Variants in GPR180 observed in about 807,000 individuals in gnomAD.
GPR180 encodes the protein G protein-coupled receptor 180, also known as integral membrane protein GPR180.
GPR180 carries 53 observed loss-of-function variants against 52.6 expected under a neutral mutation model. The observed-to-expected ratio is 1.01, with a 90% CI of 0.81 to 1.27. The LOEUF (loss-of-function observed/expected upper bound fraction) is 1.27. Among genes scored for constraint, GPR180 ranks in the 50% most tolerant of loss-of-function variants. The pLI is 0.00. For synonymous variants in GPR180, 200 were observed against 193.1 expected (o/e 1.04, Z -0.30); for missense variants, 533 against 527.0 (o/e 1.01, Z -0.11).
chr13:94,602,831 C>G (rs2139561835), intron 1 of GPR180, among the ~76,000 whole-genome samples: 1 of 152,278 alleles, frequency 6.6e-6, no homozygotes, highest in South Asian at 2.1e-4. Context: ...TGCACTCTCA[C>G]AATTTAAGTG....
In GPR180 at chr13:94,623,393, T is replaced by C. The variant is rs1889879112; in HGVS notation, c.1086+93T>C. On this transcript the variant is annotated intron_variant, in intron 7 of 8. Transcript: ENST00000376958. ...ATAAACAACTACATGCTAACTTTTA[T>C]TAAACTTCTGGGTTGGGCACAGTGG... The C allele has an allele frequency of 2.1e-5, 21 of 1,019,040 alleles. No individual in the cohort carries two copies. The South Asian group carries it at 2.9e-4, about 14-fold the overall frequency. 63.1% of individuals were successfully genotyped at this position (1,019,040 alleles called of 1,614,324 possible).
At chr13:94,619,053 A>T in intron 3 of GPR180, 97 bp from the exon 4 acceptor site, 1 of 960,570 alleles carries the variant, frequency 1.0e-6, no homozygotes, top group East Asian at 2.5e-5. Context: ...GTTAAAAAAC[A>T]AGTTCTAGAA....
intron 2 of GPR180, among the ~76,000 whole-genome samples, chr13:94,610,381 T>G (rs1385348408): frequency 6.6e-6 from 1 of 152,234 alleles, no homozygotes; most frequent in Non-Finnish European, 1.5e-5. Flanking sequence ...AATCTAGAGT[T>G]GGGAATTGGG....
At chr13:94,614,381 T>C (rs1196286386) in intron 3 of GPR180, among the ~76,000 whole-genome samples, 1 of 152,206 alleles carries the variant, frequency 6.6e-6, no homozygotes. Flanking sequence ...ATTGAGTAGA[T>C]CCATGAGACT....
At chr13:94,624,865 G>T (rs983696690) in intron 7 of GPR180, among the ~76,000 whole-genome samples, 1 of 150,820 alleles carries the variant, frequency 6.6e-6, no homozygotes, top group Non-Finnish European at 1.5e-5. Context: ...ATGGAGTTTC[G>T]CTCTTGTCCA....
At chr13:94,621,840 A>G (rs780231502) in intron 6 of GPR180, among the ~76,000 whole-genome samples, 105 of 152,256 alleles carry the variant, frequency 6.9e-4, no homozygotes, top group Admixed American at 1.4e-3. Context: ...ACATTCTAAG[A>G]TACCCATATG....
chr13:94,612,378 G>T lies in GPR180; in HGVS notation c.493G>T (p.Ala165Ser), dbSNP rs1375225695. ...AGGGAATCCATTTGATCATTTTAGTGCTGGAGAATCTGGTAAGAATATGTA... is the reference window on the plus strand; with the variant it reads ...AGGGAATCCATTTGATCATTTTAGTTCTGGAGAATCTGGTAAGAATATGTA... ...AEGNPFDHFS[A>S]GESGLHEFFF... Residue 165 changes from alanine to serine, a missense_variant, in exon 3 of 9, where the codon GCT becomes TCT. Ala to Ser is a moderately conservative substitution (Grantham distance 99). Transcript: ENST00000376958. 1.4e-5 allele frequency: 22 copies of T among 1,606,850 alleles called. No homozygotes were observed. Among genetic ancestry groups the T allele is most frequent in the Non-Finnish European group, 1.9e-5 (22 of 1,173,416 alleles).
In GPR180 at chr13:94,601,959, T is replaced by C; in HGVS notation, c.32T>C (p.Leu11Pro). 1 of 1,498,990 alleles carries C rather than the reference T, an allele frequency of 6.7e-7. No individual in the cohort carries two copies. Among genetic ancestry groups the C allele is most frequent in the Non-Finnish European group, 8.9e-7 (1 of 1,129,718 alleles). The allele number at this position is 1,498,990 out of a possible 1,614,324, so 92.9% of individuals were successfully genotyped here. The change falls in exon 1 of 9, where the codon CTC becomes CCC. Residue 11 changes from leucine (L) to proline (P), a missense_variant. Leu to Pro is a moderately conservative substitution (Grantham distance 98, BLOSUM62 -3). Transcript: ENST00000376958. MGGLRLLAVA[L>P]TCCWWPQGSQ... Reference sequence around the variant, plus strand: ...GGGCTGCGGCTGCTGGCTGTGGCCCTCACGTGCTGCTGGTGGCCGCAGGGC... The same window carrying C: ...GGGCTGCGGCTGCTGGCTGTGGCCCCCACGTGCTGCTGGTGGCCGCAGGGC...
intron 2 of GPR180, among the ~76,000 whole-genome samples, chr13:94,607,901 G>A (rs1028658444): frequency 2.0e-5 from 3 of 152,228 alleles, no homozygotes; most frequent in Non-Finnish European, 4.4e-5. Context: ...ATGAATAGTC[G>A]TAGACCTTCA....
intron 6 of GPR180, 65 bp downstream of exon 6, chr13:94,621,300 AT>A: frequency 7.8e-7 from 1 of 1,276,708 alleles, no homozygotes; most frequent in South Asian, 2.0e-5. Context: ...AGCATACCTC[AT>A]TTCAGAATTG....
Position 94,605,520 on chromosome 13 carries a change from G to A in GPR180, c.275G>A (p.Ser92Asn). The change falls in exon 2 of 9, where the codon AGT becomes AAT. Residue 92 changes from serine (S) to asparagine (N), a missense_variant. Coordinates refer to ENST00000376958, the MANE Select transcript of GPR180 (RefSeq NM_180989.6). ...LQQSSHGYSC[S>N]EKLSKAQLTM... is the part of the protein sequence containing the mutation. ...CAAAGCAGTCATGGTTATAGCTGTA[G>A]TGAAAAATTATCCAAAGCTCAGTTG... The A allele has an allele frequency of 6.2e-7, 1 of 1,613,258 alleles. No individual in the cohort carries two copies. The highest frequency in any genetic ancestry group is 8.5e-7 in the Non-Finnish European group (1 of 1,179,494).
At chr13:94,614,371 AT>A (rs1889750581) in intron 3 of GPR180, among the ~76,000 whole-genome samples, 3 of 152,142 alleles carry the variant, frequency 2.0e-5, no homozygotes, top group Non-Finnish European at 4.4e-5. Flanking sequence ...GGTTTTATGT[AT>A]TGAGTAGATC....
chr13:94,617,618 T>A (rs1889795164), intron 3 of GPR180, among the ~76,000 whole-genome samples: 1 of 152,168 alleles, frequency 6.6e-6, no homozygotes, highest in Non-Finnish European at 1.5e-5. Context: ...TTTTTCCCCC[T>A]AACGAGGCCA....
intron 7 of GPR180, among the ~76,000 whole-genome samples, chr13:94,624,341 C>G (rs1889894172): frequency 6.6e-6 from 1 of 152,094 alleles, no homozygotes; most frequent in South Asian, 2.1e-4. Context: ...TATTCTGAGG[C>G]AGCTATGGAA....
intron 6 of GPR180, among the ~76,000 whole-genome samples, 172 bp from the exon 7 acceptor site, chr13:94,622,937 A>G (rs776259309): frequency 4.6e-5 from 7 of 152,194 alleles, no homozygotes; most frequent in Non-Finnish European, 8.8e-5. Context: ...CATTTTGTCT[A>G]GCTTAGGGTA....
rs1000819351 is a variant in GPR180, at chr13:94,629,815, T to C, written c.*2644T>C. ...AAGAGCTTGCTTTAGGGTAATTATT[T>C]ATTATCTCCAGTAAAGTCACATCTG... is the stretch of plus-strand genomic sequence containing the variant. On this transcript the variant is annotated 3_prime_UTR_variant, in exon 9 of 9. Coordinates refer to ENST00000376958, the MANE Select transcript of GPR180 (RefSeq NM_180989.6). 16 of 152,182 alleles carry C rather than the reference T, an allele frequency of 1.1e-4. No homozygotes were observed. Among genetic ancestry groups the C allele is most frequent in the Admixed American group, 5.2e-4 (8 of 15,282 alleles). The allele number at this position is 152,182 out of a possible 1,614,324, so 9.4% of individuals were successfully genotyped here. A position where few individuals can be genotyped will look rare whatever the true frequency, so the allele number is the denominator to read the frequency against.
rs1889969457 is a variant in GPR180, at chr13:94,629,681, C to G, written c.*2510C>G. ...TTTGAACATTAAAACTGGAATTGTG[C>G]TAAAATCAGAACATGCGCTTGAATA... On this transcript the variant is annotated 3_prime_UTR_variant, in exon 9 of 9. Coordinates refer to ENST00000376958, the MANE Select transcript of GPR180 (RefSeq NM_180989.6). The G allele has an allele frequency of 6.6e-6, 1 of 152,190 alleles. No individual in the cohort carries two copies. Among genetic ancestry groups the G allele is most frequent in the African/African-American group, 2.4e-5 (1 of 41,450 alleles). The allele number at this position is 152,190 out of a possible 1,614,324, so 9.4% of individuals were successfully genotyped here. A position where few individuals can be genotyped will look rare whatever the true frequency, so the allele number is the denominator to read the frequency against.
chr13:94,610,037 A>C (rs1264519863), intron 2 of GPR180, among the ~76,000 whole-genome samples: 1 of 152,248 alleles, frequency 6.6e-6, no homozygotes, highest in Non-Finnish European at 1.5e-5. Context: ...TCCTCTGCTT[A>C]GACTCAATAA....
intron 1 of GPR180, among the ~76,000 whole-genome samples, chr13:94,602,873 T>C (rs2139561872): frequency 6.6e-6 from 1 of 152,340 alleles, no homozygotes; most frequent in South Asian, 2.1e-4. Flanking sequence ...TGACTAGTGC[T>C]GTATTTCAAA....
Sources: allele counts gnomAD v4.1 joint callset (sites outside exome capture counted in the v4.1 genomes callset), GRCh38; gene constraint gnomAD v4.1.1; transcripts MANE v1.5; gene names NCBI Gene and HGNC (gene_info 2026-07-23, HGNC 2026-07-21).